Variants in TMF1 observed in about 807,000 individuals in gnomAD.
The protein encoded by TMF1 is TATA element modulatory factor.
Under a neutral mutation model 126.5 loss-of-function variants are expected in TMF1, and 71 were observed. The observed-to-expected ratio is 0.56, with a 90% CI of 0.46 to 0.68. The LOEUF is 0.68. TMF1 is among the 30% of genes least tolerant of loss of function. TMF1 has a pLI of 0.00. For synonymous variants in TMF1, 461 were observed against 430.5 expected (o/e 1.07, Z -0.88); for missense variants, 1,259 against 1,253.2 (o/e 1.00, Z -0.07).
intron 10 of TMF1, among the ~76,000 whole-genome samples, chr3:69,032,698 C>T (rs2091809929): frequency 6.6e-6 from 1 of 151,010 alleles, no homozygotes; most frequent in African/African-American, 2.4e-5. Context: ...GCAGCCTCTG[C>T]TTCCCAGGTT....
At chr3:69,037,164 G>T (rs929940516) in intron 8 of TMF1, among the ~76,000 whole-genome samples, 2 of 152,170 alleles carry the variant, frequency 1.3e-5, no homozygotes, top group African/African-American at 2.4e-5. Context: ...TGGCCAATAA[G>T]CAAATGAAAA....
rs765847250 is a variant in TMF1 at position 69,029,946 on chromosome 3, G to C, written c.2463C>G (p.Leu821=). Residue 821 remains leucine (L), a synonymous_variant, in exon 11 of 17, where the codon CTC becomes CTG. Coordinates refer to ENST00000398559, the MANE Select transcript of TMF1 (RefSeq NM_007114.3). ...VERERAATEE[L]LANKIQMSSM... ...AAGACATCTGAATTTTGTTAGCAAG[G>C]AGTTCTTCTGTAGCTGCACGTTCTC... 2 of 1,614,084 alleles carry C rather than the reference G, an allele frequency of 1.2e-6. No homozygotes were observed. Among genetic ancestry groups the C allele is most frequent in the Middle Eastern group, 1.6e-4 (1 of 6,062 alleles).
At chr3:69,033,081 A>G (rs1256301898) in intron 10 of TMF1, among the ~76,000 whole-genome samples, 1 of 152,016 alleles carries the variant, frequency 6.6e-6, no homozygotes, top group African/African-American at 2.4e-5. Context: ...GCAATGGACA[A>G]GAAAAAAAAA....
rs1444274806 is a variant in TMF1 at position 69,023,947 on chromosome 3, CTT to C, written c.3138+106_3138+107del. 1.1e-5 allele frequency: 12 copies of C among 1,083,844 alleles called. No homozygotes were observed. In the East Asian group the frequency reaches 3.7e-4, roughly 33 times the overall value. 67.1% of individuals were successfully genotyped at this position (1,083,844 alleles called of 1,614,324 possible). ...ACTTCTTTGCTCAAATATTAGTACT[CTT>C]TAATTTTCAAATAAATCACTAACAC... On this transcript the variant is annotated intron_variant, in intron 16 of 16. Transcript: ENST00000398559.
intron 11 of TMF1, 86 bp downstream of exon 11, chr3:69,029,729 C>G (rs1217786410): frequency 7.5e-7 from 1 of 1,327,676 alleles, no homozygotes; most frequent in African/African-American, 1.5e-5. Context: ...GCGTGAGCCA[C>G]GGCGCCCGGC....
chr3:69,029,321 C>T (rs921952924), intron 11 of TMF1, among the ~76,000 whole-genome samples: 1 of 152,080 alleles, frequency 6.6e-6, no homozygotes, highest in African/African-American at 2.4e-5. Flanking sequence ...GCATGAGCCA[C>T]AGCACCCGGC....
intron 7 of TMF1, 40 bp from the exon 8 acceptor site, chr3:69,038,760 T>A: frequency 6.3e-7 from 1 of 1,594,370 alleles, no homozygotes; most frequent in Non-Finnish European, 8.5e-7. Context: ...TTGCCAGTGA[T>A]CAGATAATAG....
At chr3:69,051,519 T>C (rs1411893960) in intron 1 of TMF1, among the ~76,000 whole-genome samples, 10 of 152,146 alleles carry the variant, frequency 6.6e-5, no homozygotes, top group Non-Finnish European at 1.3e-4. Flanking sequence ...GCGCGAAATG[T>C]TCACTGACTG....
At position 69,024,257 on chromosome 3, in the gene TMF1, ATGTG is replaced by A. The variant is rs577446571; in HGVS notation, c.3013-81_3013-78del. On this transcript the variant is annotated intron_variant, in intron 15 of 16. Transcript: ENST00000398559. ...ACTCCCAGTAATATAAAAATATTTA[ATGTG>A]TGTGTGGTTTTTTTTTTTTTTTTGA... 2.4e-5 allele frequency: 29 copies of A among 1,233,634 alleles called. No individual in the cohort carries two copies. In the East Asian group the frequency reaches 6.2e-4, roughly 27 times the overall value. The allele number at this position is 1,233,634 out of a possible 1,614,324, so 76.4% of individuals were successfully genotyped here.
At chr3:69,043,183 ATTTTTT>A (rs976853070) in intron 4 of TMF1, among the ~76,000 whole-genome samples, 4 of 152,052 alleles carry the variant, frequency 2.6e-5, no homozygotes, top group African/African-American at 9.7e-5. Context: ...TTTTATTTTT[ATTTTTT>A]GAGACAGGGT....
intron 11 of TMF1, among the ~76,000 whole-genome samples, chr3:69,029,073 C>T (rs1458401551): frequency 1.3e-5 from 2 of 150,148 alleles, no homozygotes; most frequent in African/African-American, 2.5e-5. Context: ...GAGTCTCGCT[C>T]TGCTGCCCGG....
chr3:69,052,151 G>A lies in TMF1; in HGVS notation c.-65C>T. ...CGGGAAGGCCTCAGGCCTGGGGAAG[G>A]GTGCAGAGGAACGGCTTCGCTCCCC... On this transcript the variant is annotated 5_prime_UTR_variant, in exon 1 of 17. Coordinates refer to ENST00000398559, the MANE Select transcript of TMF1 (RefSeq NM_007114.3). The A allele has an allele frequency of 6.7e-7, 1 of 1,500,630 alleles. No individual in the cohort carries two copies. The highest frequency in any genetic ancestry group is 1.3e-5 in the South Asian group (1 of 79,030). 93.0% of individuals were successfully genotyped at this position (1,500,630 alleles called of 1,614,324 possible). A position where few individuals can be genotyped will look rare whatever the true frequency, so the allele number is the denominator to read the frequency against.
Position 69,048,577 on chromosome 3 carries a change from T to G in TMF1, c.143-15A>C, listed in dbSNP as rs765609080. The stretch of plus-strand genomic sequence containing the variant: ...GGAACTTATTCCTTTAACAAAAAAG[T>G]AAATATTAAAAAAGAACACATATAT... On this transcript the variant is annotated splice_polypyrimidine_tract_variant and intron_variant, in intron 1 of 16. Coordinates refer to ENST00000398559, the MANE Select transcript of TMF1 (RefSeq NM_007114.3). The G allele has an allele frequency of 9.7e-6, 15 of 1,549,106 alleles. No homozygotes were observed. Among genetic ancestry groups the G allele is most frequent in the Non-Finnish European group, 1.3e-5 (15 of 1,150,430 alleles).
chr3:69,029,005 T>TTG, intron 11 of TMF1, among the ~76,000 whole-genome samples: 1 of 151,904 alleles, frequency 6.6e-6, no homozygotes, highest in Non-Finnish European at 1.5e-5. Context: ...TGAATCCCAG[T>TTG]ACTATCTTCT....
chr3:69,035,125 G>A lies in TMF1; in HGVS notation c.2152-10C>T, dbSNP rs2091825183. 6.2e-7 allele frequency: 1 copy of A among 1,608,614 alleles called. No homozygotes were observed. On this transcript the variant is annotated splice_polypyrimidine_tract_variant and intron_variant, in intron 8 of 16. Transcript: ENST00000398559. ...GCCTAAGGTCCCCCACCTGTAGGAG[G>A]AGAAACAATACATTCACAAACAATG...
Position 69,027,990 on chromosome 3 carries a change from T to A in TMF1, c.2667A>T (p.Thr889=), listed in dbSNP as rs749777502. ...CCATTTCTAACTGACTATTCAACAA[T>A]GTCTAATAGAGAGAAATAAAGTTAG... ...RTLEETRKEK[T]LLNSQLEMER... The change falls in exon 13 of 17, where the codon ACA becomes ACT. Residue 889 remains threonine (T), a splice_region_variant and synonymous_variant. Transcript: ENST00000398559. 27 of 1,532,170 alleles carry A rather than the reference T, an allele frequency of 1.8e-5. No individual in the cohort carries two copies. In the African/African-American group the frequency reaches 1.9e-4, roughly 11 times the overall value. The allele number at this position is 1,532,170 out of a possible 1,614,324, so 94.9% of individuals were successfully genotyped here.
Position 69,035,062 on chromosome 3 carries a change from C to T in TMF1, c.2205G>A (p.Lys735=). 6.2e-7 allele frequency: 1 copy of T among 1,614,202 alleles called. No homozygotes were observed. Among genetic ancestry groups the T allele is most frequent in the Non-Finnish European group, 8.5e-7 (1 of 1,180,038 alleles). The part of the protein sequence containing the change: ...LQRTEQAAAR[K]EDYLRHEIGE... The stretch of plus-strand genomic sequence containing the variant: ...CGATCTCATGGCGTAAATAATCCTC[C>T]TTTCTGGCAGCCGCTTGTTCTGTAC... The change falls in exon 9 of 17, where the codon AAG becomes AAA. Residue 735 remains lysine (K), a synonymous_variant. Coordinates refer to ENST00000398559, the MANE Select transcript of TMF1 (RefSeq NM_007114.3).
intron 1 of TMF1, 47 bp from the exon 2 acceptor site, chr3:69,048,609 TTAATA>T (rs2091909845): frequency 7.0e-7 from 1 of 1,425,532 alleles, no homozygotes; most frequent in Non-Finnish European, 9.4e-7. Context: ...ATATGTTACA[TTAATA>T]TTTCAATCAT....
At chr3:69,035,155 A>G (rs775479634) in intron 8 of TMF1, 40 bp from the exon 9 acceptor site, 1 of 1,520,498 alleles carries the variant, frequency 6.6e-7, no homozygotes, top group South Asian at 1.1e-5. Context: ...ACAATGGTAC[A>G]GTATTATCTA....
Sources: gnomAD v4.1 joint callset for allele counts (sites outside exome capture counted in the v4.1 genomes callset) on GRCh38, gnomAD v4.1.1 for gene constraint, MANE v1.5 for transcripts, NCBI Gene and HGNC (gene_info 2026-07-23, HGNC 2026-07-21) for gene names.